Variants in IREB2 observed in about 807,000 individuals in gnomAD.
IREB2 encodes iron-responsive element-binding protein 2.
IREB2 carries 39 observed loss-of-function variants against 118.8 expected under a neutral mutation model. That is an observed-to-expected ratio of 0.33 (90% CI 0.25 to 0.43). The LOEUF (loss-of-function observed/expected upper bound fraction) is 0.43. Among genes scored for constraint, IREB2 ranks in the 20% least tolerant of loss-of-function variants. The pLI is 1.00. For synonymous variants in IREB2, 372 were observed against 392.2 expected (o/e 0.95, Z 0.61); for missense variants, 900 against 1,147.3 (o/e 0.78, Z 3.11).
At chr15:78,471,963 T>C (rs2051387255) in intron 7 of IREB2, 39 bp downstream of exon 7, 1 of 1,412,570 alleles carries the variant, frequency 7.1e-7, no homozygotes, top group Non-Finnish European at 9.5e-7. Context: ...TCTTTTGGGG[T>C]AAGGATGTCA....
intron 18 of IREB2, among the ~76,000 whole-genome samples, chr15:78,491,007 C>T (rs566103332): frequency 3.3e-5 from 5 of 152,086 alleles, no homozygotes; most frequent in African/African-American, 7.2e-5. Flanking sequence ...CCCTTATAGT[C>T]TAAATAAACA....
rs1381688884 is a variant in IREB2, at chr15:78,497,951, A to G, written c.2782-82A>G. The G allele has an allele frequency of 8.1e-6, 6 of 744,550 alleles. No individual in the cohort carries two copies. In the Admixed American group the frequency reaches 1.1e-4, roughly 13 times the overall value. 46.1% of individuals were successfully genotyped at this position (744,550 alleles called of 1,614,324 possible). On this transcript the variant is annotated intron_variant, in intron 21 of 21. Transcript: ENST00000258886. ...AATCTGTGGCAAGTATAGTCATTAAATATGAAGACAAATGGTCTTAACCAT... is the reference window on the plus strand; with the variant it reads ...AATCTGTGGCAAGTATAGTCATTAAGTATGAAGACAAATGGTCTTAACCAT...
intron 2 of IREB2, among the ~76,000 whole-genome samples, chr15:78,451,027 C>G (rs1250195785): frequency 1.3e-5 from 2 of 152,078 alleles, no homozygotes; most frequent in East Asian, 3.8e-4. Flanking sequence ...TGCAGTGGCT[C>G]AATCTCGGCT....
intron 5 of IREB2, 55 bp downstream of exon 5, chr15:78,466,544 A>G: frequency 8.2e-7 from 1 of 1,217,610 alleles, no homozygotes; most frequent in Non-Finnish European, 1.1e-6. Flanking sequence ...TCCAGTTAAG[A>G]AAATCAAATT....
rs1459296182 is a variant in IREB2 at position 78,473,371 on chromosome 15, G to T, written c.1013G>T (p.Gly338Val). Residue 338 changes from glycine to valine, a missense_variant, in exon 8 of 22, where the codon GGT becomes GTT. Physicochemically the swap from Gly to Val is moderately radical, Grantham distance 109 (BLOSUM62 -3). Transcript: ENST00000258886. The stretch of plus-strand genomic sequence containing the variant: ...GTTACATCCATAGATGTTGTTCTTG[G>T]TATTACAAAGGTAAGTTAAAGTTGT... ...PFVTSIDVVL[G>V]ITKHLRQVGV... The T allele has an allele frequency of 6.2e-7, 1 of 1,613,410 alleles. No homozygotes were observed. Among genetic ancestry groups the T allele is most frequent in the South Asian group, 1.1e-5 (1 of 90,964 alleles).
chr15:78,438,619 C>A (rs961955399), intron 1 of IREB2: 4 of 484,334 alleles, frequency 8.3e-6, no homozygotes, highest in Non-Finnish European at 1.5e-5. Context: ...CCCTCTCTCT[C>A]CGGTGGCCGC....
intron 2 of IREB2, among the ~76,000 whole-genome samples, chr15:78,458,477 T>C (rs942129919): frequency 6.6e-6 from 1 of 152,176 alleles, no homozygotes; most frequent in Non-Finnish European, 1.5e-5. Flanking sequence ...CCTCTCATTA[T>C]GTTGGCCAGG....
In IREB2 at chr15:78,478,504, AC is replaced by A. The variant is rs2051513204; in HGVS notation, c.1296+109del. 11 of 656,126 alleles carry A rather than the reference AC, an allele frequency of 1.7e-5. No individual in the cohort carries two copies. In the South Asian group the frequency reaches 1.9e-4, roughly 11 times the overall value. The allele number at this position is 656,126 out of a possible 1,614,324, so 40.6% of individuals were successfully genotyped here. A position where few individuals can be genotyped will look rare whatever the true frequency, so the allele number is the denominator to read the frequency against. On this transcript the variant is annotated intron_variant, in intron 10 of 21. Coordinates refer to ENST00000258886, the MANE Select transcript of IREB2 (RefSeq NM_004136.4). ...GATTGTTTGAGTTCAAGAGTTTGAG[AC>A]CAGCCTGGGCAATATGGTAAAACCC...
At chr15:78,494,382 T>A in intron 20 of IREB2, 118 bp downstream of exon 20, 1 of 1,000,982 alleles carries the variant, frequency 1.0e-6, no homozygotes, top group Non-Finnish European at 1.5e-6. Flanking sequence ...ACCTTATAGG[T>A]ATAGAGGGTT....
intron 2 of IREB2, among the ~76,000 whole-genome samples, chr15:78,443,233 G>T (rs2050873457): frequency 6.6e-6 from 1 of 152,200 alleles, no homozygotes; most frequent in Admixed American, 6.5e-5. Flanking sequence ...TGTGAATATG[G>T]TCTTTCTCTT....
At chr15:78,454,527 A>T (rs537573477) in intron 2 of IREB2, among the ~76,000 whole-genome samples, 1 of 152,240 alleles carries the variant, frequency 6.6e-6, no homozygotes, top group Non-Finnish European at 1.5e-5. Flanking sequence ...AGGGATTAAC[A>T]GTAAATAGGC....
At chr15:78,485,154 A>G (rs2051638706) in intron 12 of IREB2, among the ~76,000 whole-genome samples, 1 of 152,242 alleles carries the variant, frequency 6.6e-6, no homozygotes, top group Non-Finnish European at 1.5e-5. Context: ...TTTAGGTTGT[A>G]TCTGCTTCTC....
At chr15:78,487,889 T>C (rs2051687609) in intron 14 of IREB2, 72 bp downstream of exon 14, 1 of 952,956 alleles carries the variant, frequency 1.0e-6, no homozygotes, top group Non-Finnish European at 1.7e-6. Flanking sequence ...TTATAGAAAA[T>C]ATATATTGAT....
chr15:78,438,550 C>G, intron 1 of IREB2, 194 bp downstream of exon 1: 1 of 624,408 alleles, frequency 1.6e-6, no homozygotes, highest in South Asian at 1.9e-5. Context: ...CTCCCGATCC[C>G]CACCCTCCTG....
intron 11 of IREB2, 35 bp downstream of exon 11, chr15:78,483,469 C>T (rs1298911597): frequency 2.6e-6 from 3 of 1,132,336 alleles, no homozygotes; most frequent in Non-Finnish European, 4.0e-6. Context: ...GTTTTTCAAC[C>T]CGCTTTGTGC....
At chr15:78,477,694 A>G (rs1327588507) in intron 9 of IREB2, among the ~76,000 whole-genome samples, 5 of 152,078 alleles carry the variant, frequency 3.3e-5, no homozygotes, top group Non-Finnish European at 5.9e-5. Flanking sequence ...CTGAGGCGGG[A>G]GGATCACATG....
At chr15:78,457,189 T>G (rs2051120309) in intron 2 of IREB2, among the ~76,000 whole-genome samples, 1 of 152,208 alleles carries the variant, frequency 6.6e-6, no homozygotes, top group African/African-American at 2.4e-5. Flanking sequence ...CCAAAAGAAC[T>G]AAATTCCTCC....
At chr15:78,492,645 G>A (rs1566997365) in intron 18 of IREB2, among the ~76,000 whole-genome samples, 2 of 152,054 alleles carry the variant, frequency 1.3e-5, no homozygotes, top group Non-Finnish European at 2.9e-5. Context: ...CTGCTGCTTG[G>A]AACTCGTGGG....
intron 2 of IREB2, among the ~76,000 whole-genome samples, chr15:78,449,845 G>C (rs1029610365): frequency 2.0e-5 from 3 of 152,026 alleles, no homozygotes; most frequent in Admixed American, 2.0e-4. Context: ...CTTCCACTAA[G>C]TAACTGATCA....
Sources: allele counts gnomAD v4.1 joint callset (sites outside exome capture counted in the v4.1 genomes callset), GRCh38; gene constraint gnomAD v4.1.1; transcripts MANE v1.5; gene names NCBI Gene and HGNC (gene_info 2026-07-23, HGNC 2026-07-21).